Variants in PTPRN2 observed in about 807,000 individuals in gnomAD.
The protein encoded by PTPRN2 is receptor-type tyrosine-protein phosphatase N2.
PTPRN2 carries 74 observed loss-of-function variants against 118.8 expected under a neutral mutation model. The ratio of observed to expected loss-of-function variants is 0.62; its 90% CI spans 0.52 to 0.76. The LOEUF is 0.76. Among genes scored for constraint, PTPRN2 ranks in the 30% least tolerant of loss-of-function variants. The pLI, the probability that PTPRN2 is intolerant of heterozygous loss-of-function variation, is 0.00. For synonymous variants in PTPRN2, 641 were observed against 608.0 expected (o/e 1.05, Z -0.80); for missense variants, 1,481 against 1,394.4 (o/e 1.06, Z -0.99).
chr7:158,554,720 C>G (rs1586931554), intron 1 of PTPRN2, among the ~76,000 whole-genome samples: 1 of 152,152 alleles, frequency 6.6e-6, no homozygotes, highest in East Asian at 1.9e-4. Context: ...TCGGCCCATG[C>G]CTGCTGCTGG....
At chr7:157,827,485 C>T (rs374678207) in intron 12 of PTPRN2, among the ~76,000 whole-genome samples, 271 of 152,312 alleles carry the variant, frequency 1.8e-3, no homozygotes, top group Non-Finnish European at 2.7e-3. Flanking sequence ...CCTGAGAAAG[C>T]GTTCGGGCTG....
rs1311777371 is a variant in PTPRN2 at position 157,787,124 on chromosome 7, G to A, written c.1789-104187C>T. On this transcript the variant is annotated intron_variant, in intron 12 of 22. Coordinates refer to ENST00000389418, the MANE Select transcript of PTPRN2 (RefSeq NM_002847.5). This position sits in a 1 kb window ranked among gnomAD's most constrained non-coding sequence, Gnocchi z 5.3. ...GGGAGGCGGACGCGGGTGCGGCGGG[G>A]GACGCGGGGGTGGCTGCCCGGGAGG... is the stretch of plus-strand genomic sequence containing the variant. Among the ~76,000 whole-genome samples the A allele has an allele frequency of 7.3e-6, 1 of 136,056 alleles. No homozygotes were observed. Among genetic ancestry groups the A allele is most frequent in the Non-Finnish European group, 1.6e-5 (1 of 61,780 alleles). The allele number at this position is 136,056 out of a possible 152,430, so 89.3% of individuals were successfully genotyped here.
At chr7:157,948,312 T>G (rs1800605050) in intron 11 of PTPRN2, among the ~76,000 whole-genome samples, 1 of 152,166 alleles carries the variant, frequency 6.6e-6, no homozygotes, top group Non-Finnish European at 1.5e-5. Context: ...AACATAAAGC[T>G]GGGAAGGAAG....
At chr7:157,993,661 G>T (rs954032988) in intron 11 of PTPRN2, among the ~76,000 whole-genome samples, 4 of 152,170 alleles carry the variant, frequency 2.6e-5, no homozygotes, top group African/African-American at 9.7e-5. Flanking sequence ...CAAGAGAGGG[G>T]CAGGGTGGGC....
intron 2 of PTPRN2, among the ~76,000 whole-genome samples, chr7:158,337,443 C>T (rs78678930): frequency 5.4e-3 from 283 of 52,000 alleles, no homozygotes; most frequent in Middle Eastern, 0.015. Context: ...AGGTGACACC[C>T]ACAGACGTCA....
intron 6 of PTPRN2, among the ~76,000 whole-genome samples, chr7:158,165,176 ACC>A (rs1488298995): frequency 3.0e-4 from 45 of 152,172 alleles, no homozygotes; most frequent in Non-Finnish European, 5.3e-4. Flanking sequence ...GGTGTCTAGT[ACC>A]CACGAAAGTG....
chr7:158,243,269 GAGGCAA>G (rs1362637204), intron 3 of PTPRN2, among the ~76,000 whole-genome samples: 1 of 152,216 alleles, frequency 6.6e-6, no homozygotes, highest in Non-Finnish European at 1.5e-5. Context: ...GAGCTGAAAA[GAGGCAA>G]AGAAAGTCTT....
intron 3 of PTPRN2, among the ~76,000 whole-genome samples, chr7:158,273,528 CCGCAG>C (rs1798677227): frequency 1.5e-5 from 1 of 68,654 alleles, no homozygotes; most frequent in Non-Finnish European, 2.8e-5. Flanking sequence ...ATGGGAGGAG[CCGCAG>C]ACACGGGGAG....
chr7:158,425,754 G>T (rs1815692400), intron 2 of PTPRN2, among the ~76,000 whole-genome samples: 1 of 89,874 alleles, frequency 1.1e-5, no homozygotes, highest in South Asian at 5.3e-4. Flanking sequence ...GCACCGCCGG[G>T]AAAGACGCGG....
In PTPRN2 at chr7:157,986,325, A is replaced by G. The variant is rs573899108; in HGVS notation, c.1724-87588T>C. 2.0e-5 allele frequency among the ~76,000 whole-genome samples: 3 copies of G among 152,330 alleles called. No homozygotes were observed. The highest frequency in any genetic ancestry group is 6.5e-5 in the Admixed American group (1 of 15,306). ...GCGGATGAGGCTTCGCTTTAGGACC[A>G]TGGACTCTGGCGGCAGATAATGGCC... On this transcript the variant is annotated intron_variant, in intron 11 of 22. Coordinates refer to ENST00000389418, the MANE Select transcript of PTPRN2 (RefSeq NM_002847.5). The surrounding 1 kb of genome is among the most constrained non-coding windows in gnomAD (Gnocchi z 4.5).
At chr7:158,049,117 T>TG in intron 11 of PTPRN2, among the ~76,000 whole-genome samples, 1 of 53,828 alleles carries the variant, frequency 1.9e-5, no homozygotes, top group Non-Finnish European at 4.2e-5. Context: ...ATCGCCATCA[T>TG]CAGCATCACT....
intron 2 of PTPRN2, among the ~76,000 whole-genome samples, chr7:158,474,489 C>G (rs1175273923): frequency 6.6e-6 from 1 of 152,244 alleles, no homozygotes; most frequent in Admixed American, 6.5e-5. Flanking sequence ...GTCAACCCAG[C>G]AGATAAAAGG....
intron 1 of PTPRN2, among the ~76,000 whole-genome samples, chr7:158,501,494 C>T (rs1414671670): frequency 2.6e-5 from 4 of 152,308 alleles, no homozygotes; most frequent in Non-Finnish European, 4.4e-5. Context: ...CCCGACACAA[C>T]GCCAGGCTGA....
At chr7:157,917,523 C>T (rs1368787244) in intron 11 of PTPRN2, among the ~76,000 whole-genome samples, 1 of 152,154 alleles carries the variant, frequency 6.6e-6, no homozygotes, top group Admixed American at 6.5e-5. Flanking sequence ...GTAATAATAG[C>T]GGCAGGCTGG....
At chr7:158,036,587 CA>C (rs1274157251) in intron 11 of PTPRN2, among the ~76,000 whole-genome samples, 2 of 151,834 alleles carry the variant, frequency 1.3e-5, no homozygotes, top group Non-Finnish European at 2.9e-5. Flanking sequence ...AAAAAGTGAC[CA>C]AAAAGGTATA....
intron 15 of PTPRN2, among the ~76,000 whole-genome samples, chr7:157,620,720 C>T (rs780007691): frequency 1.6e-4 from 24 of 152,182 alleles, no homozygotes; most frequent in Non-Finnish European, 3.1e-4. Context: ...GACACTGGTT[C>T]CTTGTTGGTT....
At chr7:157,998,861 A>G (rs1804996310) in intron 11 of PTPRN2, among the ~76,000 whole-genome samples, 1 of 150,020 alleles carries the variant, frequency 6.7e-6, no homozygotes, top group South Asian at 2.1e-4. Flanking sequence ...TGTAATTCTG[A>G]GATTTTGAAG....
In PTPRN2 at chr7:158,133,768, C is replaced by T. The variant is rs761220085; in HGVS notation, c.1465G>A (p.Ala489Thr). The T allele has an allele frequency of 4.3e-6, 7 of 1,613,932 alleles. No individual in the cohort carries two copies. In the South Asian group the frequency reaches 6.6e-5, roughly 15 times the overall value. ...TCGCTGAGGGCCTCCTGAGCACCCG[C>T]TGGAAGGCTCTGCTCCTCCTTCGAG... is the stretch of plus-strand genomic sequence containing the variant. ...GPSKEEQSLP[A>T]GAQEALSDGL... The change falls in exon 9 of 23, where the codon GCG becomes ACG. Residue 489 changes from alanine to threonine, a missense_variant. Around this residue, in one of 3 missense-constraint regions of PTPRN2, gnomAD observed 1,115 missense variants for 994.2 expected, o/e 1.12. Transcript: ENST00000389418.
chr7:157,592,285 C>T (rs143028172), intron 17 of PTPRN2, among the ~76,000 whole-genome samples: 4 of 152,334 alleles, frequency 2.6e-5, no homozygotes, highest in South Asian at 2.1e-4. Context: ...AAATGGTTCA[C>T]GCCTTCTATT....
Sources: allele counts gnomAD v4.1 joint callset (sites outside exome capture counted in the v4.1 genomes callset), GRCh38; gene constraint gnomAD v4.1.1; regional missense constraint gnomAD v4.1.1; non-coding constraint Gnocchi (gnomAD v3.1); transcripts MANE v1.5; gene names NCBI Gene and HGNC (gene_info 2026-07-23, HGNC 2026-07-21).